The following PDE1B variants were observed in gnomAD, a reference collection of about 807,000 sequenced individuals.
PDE1B encodes the protein phosphodiesterase 1B.
PDE1B carries 13 observed loss-of-function variants against 66.7 expected under a neutral mutation model. The observed-to-expected ratio is 0.19, with a 90% CI of 0.13 to 0.31. The LOEUF is 0.31. PDE1B is among the 10% of genes least tolerant of loss of function. PDE1B has a pLI of 1.00. For synonymous variants in PDE1B, 230 were observed against 253.9 expected (o/e 0.91, Z 0.90); for missense variants, 485 against 682.3 (o/e 0.71, Z 3.22).
chr12:54,577,676 G>C, intron 15 of PDE1B, 184 bp from the exon 16 acceptor site: 1 of 909,472 alleles, frequency 1.1e-6, no homozygotes. Context: ...ACAGCTCAGT[G>C]AGGGCAGCTG....
chr12:54,561,682 C>T, intron 2 of PDE1B: 4 of 1,387,524 alleles, frequency 2.9e-6, no homozygotes, highest in Non-Finnish European at 3.0e-6. Flanking sequence ...AGGGAAAGGA[C>T]AGGTTGCTCA....
At chr12:54,568,262 G>C (rs1440779866) in intron 3 of PDE1B, among the ~76,000 whole-genome samples, 3 of 151,588 alleles carry the variant, frequency 2.0e-5, no homozygotes, top group Non-Finnish European at 4.4e-5. Flanking sequence ...CCAGGAATTC[G>C]AGACCAGCCT....
chr12:54,572,690 A>G lies in PDE1B; in HGVS notation c.684A>G (p.Ala228=). The change falls in exon 7 of 16, where the codon GCA becomes GCG. Residue 228 remains alanine, a synonymous_variant. Coordinates refer to ENST00000243052, the MANE Select transcript of PDE1B (RefSeq NM_000924.4). ...YKNPYHNQIH[A]ADVTQTVHCF... is the part of the protein sequence containing the mutation. ...ATCCTTACCACAACCAGATCCACGC[A>G]GCCGATGTTACCCAGACAGTCCATT... The G allele has an allele frequency of 6.2e-7, 1 of 1,614,212 alleles. No individual in the cohort carries two copies. The highest frequency in any genetic ancestry group is 8.5e-7 in the Non-Finnish European group (1 of 1,180,012).
In PDE1B at chr12:54,573,856, T is replaced by TGTGA. The variant is rs1555175895; in HGVS notation, c.1064+148_1064+149insTGAG. On this transcript the variant is annotated intron_variant, in intron 10 of 15. Coordinates refer to ENST00000243052, the MANE Select transcript of PDE1B (RefSeq NM_000924.4). This position sits in a 1 kb window ranked among gnomAD's most constrained non-coding sequence, Gnocchi z 5.2. ...TCAGGTATCAGACTGCATCTCTATG[T>TGTGA]GAGAGAGAGAGAGAGTGTGTGTGTG... 2.6e-5 allele frequency: 12 copies of TGTGA among 461,654 alleles called. No homozygotes were observed. Among genetic ancestry groups the TGTGA allele is most frequent in the Non-Finnish European group, 4.2e-5 (11 of 262,036 alleles). 28.6% of individuals were successfully genotyped at this position (461,654 alleles called of 1,614,324 possible).
chr12:54,571,301 A>G (rs186381442), intron 6 of PDE1B: 2 of 152,294 alleles, frequency 1.3e-5, no homozygotes, highest in Non-Finnish European at 2.9e-5. Flanking sequence ...TGAGATGCTC[A>G]GCTGAAATTT....
intron 6 of PDE1B, 83 bp downstream of exon 6, chr12:54,570,440 T>G (rs1957596216): frequency 4.9e-6 from 4 of 811,466 alleles, no homozygotes; most frequent in African/African-American, 1.7e-5. Context: ...AACAAACAGA[T>G]TCCATAGATC....
chr12:54,552,078 G>A (rs2121019589), intron 2 of PDE1B, among the ~76,000 whole-genome samples: 1 of 152,356 alleles, frequency 6.6e-6, no homozygotes, highest in East Asian at 1.9e-4. Flanking sequence ...CCTTAAAGCA[G>A]AGAAAGACCT....
At chr12:54,576,537 T>G (rs1957752961) in intron 13 of PDE1B, 34 bp from the exon 14 acceptor site, 1 of 1,613,580 alleles carries the variant, frequency 6.2e-7, no homozygotes, top group Non-Finnish European at 8.5e-7. Context: ...GGCTGGGGCT[T>G]ACCTCTTGCG....
Position 54,567,059 on chromosome 12 carries a change from C to T in PDE1B, c.199C>T (p.Leu67=), listed in dbSNP as rs1957527643. Residue 67 remains leucine (L), a synonymous_variant, in exon 3 of 16, where the codon CTG becomes TTG. Transcript: ENST00000243052. ...KKNLEYTASL[L]EAVYIDETRQ... Reference sequence around the variant, plus strand: ...AAATCTGGAGTACACAGCTTCTCTGCTGGAAGCCGTCTACATAGATGAGAC... The same window carrying T: ...AAATCTGGAGTACACAGCTTCTCTGTTGGAAGCCGTCTACATAGATGAGAC... 2 of 1,601,432 alleles carry T rather than the reference C, an allele frequency of 1.2e-6. No homozygotes were observed. The highest frequency in any genetic ancestry group is 3.4e-5 in the Admixed American group (2 of 59,654).
rs1245966057 is a variant in PDE1B, at chr12:54,578,396, G to T, written c.*554G>T. 1 of 152,106 alleles carries T rather than the reference G, an allele frequency of 6.6e-6. No individual in the cohort carries two copies. The highest frequency in any genetic ancestry group is 1.5e-5 in the Non-Finnish European group (1 of 68,020). 9.4% of individuals were successfully genotyped at this position (152,106 alleles called of 1,614,324 possible). A position where few individuals can be genotyped will look rare whatever the true frequency, so the allele number is the denominator to read the frequency against. ...GGGGAGTGGATTCCTTCAGGGCATGGTACCTTTCTAGGACCTGGGAATGGG... is the reference window on the plus strand; with the variant it reads ...GGGGAGTGGATTCCTTCAGGGCATGTTACCTTTCTAGGACCTGGGAATGGG... On this transcript the variant is annotated 3_prime_UTR_variant, in exon 16 of 16. Coordinates refer to ENST00000243052, the MANE Select transcript of PDE1B (RefSeq NM_000924.4).
rs878991945 is a variant in PDE1B, at chr12:54,576,162, G to A, written c.1376+62G>A. The stretch of plus-strand genomic sequence containing the variant: ...GGAAGGCAGTGGTAGGGAGGGATTT[G>A]GACTCACAGAGAGGACCGACTCACA... On this transcript the variant is annotated intron_variant, in intron 13 of 15. Coordinates refer to ENST00000243052, the MANE Select transcript of PDE1B (RefSeq NM_000924.4). The A allele has an allele frequency of 2.9e-6, 3 of 1,045,220 alleles. No individual in the cohort carries two copies. The South Asian group carries it at 3.8e-5, about 13-fold the overall frequency. The allele number at this position is 1,045,220 out of a possible 1,614,324, so 64.7% of individuals were successfully genotyped here. A position where few individuals can be genotyped will look rare whatever the true frequency, so the allele number is the denominator to read the frequency against.
intron 2 of PDE1B, among the ~76,000 whole-genome samples, chr12:54,562,420 G>A (rs952886011): frequency 6.6e-5 from 10 of 152,296 alleles, no homozygotes; most frequent in Admixed American, 4.6e-4. Context: ...GTGGTGAAAC[G>A]GGCAGGGATG....
chr12:54,575,251 TG>T lies in PDE1B; in HGVS notation c.1185+38del, dbSNP rs1226793722. 4.4e-6 allele frequency: 7 copies of T among 1,599,762 alleles called. No homozygotes were observed. In the African/African-American group the frequency reaches 8.0e-5, roughly 18 times the overall value. The stretch of plus-strand genomic sequence containing the variant: ...GGCATCTTTGCCTTCCCTGTGCCTA[TG>T]GGGGCCTTCTCTCCCCTTTTGCCCT... On this transcript the variant is annotated intron_variant, in intron 11 of 15. Coordinates refer to ENST00000243052, the MANE Select transcript of PDE1B (RefSeq NM_000924.4). The surrounding 1 kb of genome is among the most constrained non-coding windows in gnomAD (Gnocchi z 4.0).
At chr12:54,564,448 A>G (rs1395398682) in intron 2 of PDE1B, among the ~76,000 whole-genome samples, 1 of 152,080 alleles carries the variant, frequency 6.6e-6, no homozygotes, top group Non-Finnish European at 1.5e-5. Flanking sequence ...CCTGGGCAAC[A>G]TAGCAGGACC....
In PDE1B at chr12:54,574,832, G is replaced by T. The variant is rs150914738; in HGVS notation, c.1065-266G>T. ...CCAAAAAAATACAAAAATTAGCTGG[G>T]TGTGGTGGCATGCACGCCTGTAGTC... On this transcript the variant is annotated intron_variant, in intron 10 of 15. Transcript: ENST00000243052. The T allele has an allele frequency of 3.7e-3, 890 of 240,400 alleles. 10 individuals are homozygous for T. Among genetic ancestry groups the T allele is most frequent in the African/African-American group, 0.019 (827 of 43,760 alleles). The allele number at this position is 240,400 out of a possible 1,614,324, so 14.9% of individuals were successfully genotyped here.
Position 54,576,025 on chromosome 12 carries a change from C to A in PDE1B, c.1301C>A (p.Ser434Tyr). 1 of 1,613,956 alleles carries A rather than the reference C, an allele frequency of 6.2e-7. No individual in the cohort carries two copies. The highest frequency in any genetic ancestry group is 8.5e-7 in the Non-Finnish European group (1 of 1,179,770). ...FIDFIVEPTFSVLTDVAEKSV... is the reference protein window; with the variant it reads ...FIDFIVEPTFYVLTDVAEKSV... ...GACTTCATTGTGGAGCCCACATTCT[C>A]TGTGCTGACTGACGTGGCAGAGAAG... Residue 434 changes from serine to tyrosine, a missense_variant, in exon 13 of 16, where the codon TCT (serine) becomes TAT (tyrosine). Transcript: ENST00000243052.
intron 2 of PDE1B, among the ~76,000 whole-genome samples, chr12:54,559,118 G>A (rs1036498445): frequency 4.6e-5 from 7 of 151,922 alleles, no homozygotes; most frequent in South Asian, 2.1e-4. Flanking sequence ...ATAAACTTAC[G>A]CCCTCTTTCT....
chr12:54,560,173 G>A lies in PDE1B; in HGVS notation c.114-6801G>A, dbSNP rs369157285. Among the ~76,000 whole-genome samples the A allele has an allele frequency of 9.3e-4, 142 of 152,264 alleles. 3 individuals are homozygous for A. In the Middle Eastern group the frequency reaches 0.014, roughly 15 times the overall value. On this transcript the variant is annotated intron_variant, in intron 2 of 15. Coordinates refer to ENST00000243052, the MANE Select transcript of PDE1B (RefSeq NM_000924.4). ...GACTTCCACTCCTCTTGTTGAGATC[G>A]AAGCCCACTTCCACTTGTCCCAGTA...
chr12:54,557,499 GTC>G (rs768363822), intron 2 of PDE1B, among the ~76,000 whole-genome samples: 1 of 152,170 alleles, frequency 6.6e-6, no homozygotes, highest in Non-Finnish European at 1.5e-5. Flanking sequence ...CTTCCCCAGT[GTC>G]TCCAACCCAG....
Sources: gnomAD v4.1 joint callset for allele counts (sites outside exome capture counted in the v4.1 genomes callset) on GRCh38, gnomAD v4.1.1 for gene constraint, Gnocchi (gnomAD v3.1) non-coding constraint, MANE v1.5 for transcripts, NCBI Gene and HGNC (gene_info 2026-07-23, HGNC 2026-07-21) for gene names.